The following JRK variants were observed in gnomAD, a reference collection of about 807,000 sequenced individuals.
The protein encoded by JRK is Jrk helix-turn-helix protein.
For missense variants in JRK, 720 were observed against 509.2 expected (o/e 1.41, Z -3.98); for synonymous variants, 303 against 218.1 (o/e 1.39, Z -3.43).
chr8:142,643,743 C>G, the JRK span, among the ~76,000 whole-genome samples: 2 of 152,180 alleles, frequency 1.3e-5, no homozygotes, highest in African/African-American at 4.8e-5. Flanking sequence ...GGAAAGCACA[C>G]CATTCCAGTC....
Position 142,669,197 on chromosome 8 carries a change from T to TGC in JRK, c.-463+734_-463+735insGC, listed in dbSNP as rs1554636837. On this transcript the variant is annotated intron_variant, in intron 1 of 1. Coordinates refer to ENST00000612905, the MANE Select transcript of JRK (RefSeq NM_003724.4). The stretch of plus-strand genomic sequence containing the variant: ...GTGTGTGTGTGTGTGTGTGTGTGTG[T>TGC]GTGCGTGTGTGTGTTGGGGGGTATG... Among the ~76,000 whole-genome samples the TGC allele has an allele frequency of 1.0e-3, 57 of 56,830 alleles. 1 individual carries two copies. The highest frequency in any genetic ancestry group is 3.9e-3 in the African/African-American group (40 of 10,254). The allele number at this position is 56,830 out of a possible 152,430, so 37.3% of individuals were successfully genotyped here. A position where few individuals can be genotyped will look rare whatever the true frequency, so the allele number is the denominator to read the frequency against.
At chr8:142,654,591 C>T (rs938502057), downstream of JRK, among the ~76,000 whole-genome samples, 1 of 151,938 alleles carries the variant, frequency 6.6e-6, no homozygotes, top group Non-Finnish European at 1.5e-5. Flanking sequence ...AGACTCCCAC[C>T]AGCCCTCCTC....
At chr8:142,647,048 T>A in the JRK span, among the ~76,000 whole-genome samples, 1 of 152,092 alleles carries the variant, frequency 6.6e-6, no homozygotes, top group Non-Finnish European at 1.5e-5. Flanking sequence ...AGCCTGGTGG[T>A]GCTAAGGGGA....
the JRK span, among the ~76,000 whole-genome samples, chr8:142,646,054 A>G: frequency 6.6e-6 from 1 of 152,186 alleles, no homozygotes; most frequent in Non-Finnish European, 1.5e-5. Flanking sequence ...AAATACCCAA[A>G]TAATGAAATA....
the JRK span, among the ~76,000 whole-genome samples, chr8:142,644,081 T>C: frequency 6.6e-6 from 1 of 152,170 alleles, no homozygotes; most frequent in Non-Finnish European, 1.5e-5. Context: ...CTGCTTGATA[T>C]TCCTGAACAT....
At chr8:142,657,289 G>A (rs587593721), downstream of JRK, among the ~76,000 whole-genome samples, 1 of 152,320 alleles carries the variant, frequency 6.6e-6, no homozygotes, top group South Asian at 2.1e-4. Flanking sequence ...AGGGACAGGA[G>A]CAGAAGTGGT....
At chr8:142,652,650 A>G (rs1345891548), downstream of JRK, among the ~76,000 whole-genome samples, 1 of 152,168 alleles carries the variant, frequency 6.6e-6, no homozygotes, top group Non-Finnish European at 1.5e-5. Flanking sequence ...TCTGAATTTT[A>G]GGGGAGGCTG....
chr8:142,650,754 G>A, the JRK span, among the ~76,000 whole-genome samples: 35 of 152,248 alleles, frequency 2.3e-4, no homozygotes, highest in Middle Eastern at 3.4e-3. Context: ...TATCAGGAGC[G>A]TGAAAATGGA....
rs73379623 is a variant in JRK at position 142,664,980 on chromosome 8, T to C, written c.1079A>G (p.Asn360Ser). 2,734 of 736,468 alleles carry C rather than the reference T, an allele frequency of 3.7e-3. 51 individuals are homozygous for C. The African/African-American group carries it at 0.042, about 11-fold the overall frequency. 45.6% of individuals were successfully genotyped at this position (736,468 alleles called of 1,614,324 possible). ...ACAGGCCACGCTGAATATGGCATCG[T>C]TCATGTTGTAGCGGGCGTGGGGGCC... ...LQGPHARYNM[N>S]DAIFSVACAW... Residue 360 changes from asparagine to serine, a missense_variant, in exon 2 of 2, where the codon AAC becomes AGC. By Grantham distance (46) the Asn-to-Ser change is conservative. Transcript: ENST00000612905.
chr8:142,662,039 C>A lies in JRK; in HGVS notation c.*2313G>T, dbSNP rs1050417486. The A allele has an allele frequency of 2.5e-5, 25 of 985,466 alleles. No homozygotes were observed. In the African/African-American group the frequency reaches 4.0e-4, roughly 16 times the overall value. 61.0% of individuals were successfully genotyped at this position (985,466 alleles called of 1,614,324 possible). A position where few individuals can be genotyped will look rare whatever the true frequency, so the allele number is the denominator to read the frequency against. Reference sequence around the variant, plus strand: ...GCTGCAGGAGGAGCAGGGCCCGAGTCCCCTGGGTGGCACAAGGGATTCCAG... The same window carrying A: ...GCTGCAGGAGGAGCAGGGCCCGAGTACCCTGGGTGGCACAAGGGATTCCAG... On this transcript the variant is annotated 3_prime_UTR_variant, in exon 2 of 2. Coordinates refer to ENST00000612905, the MANE Select transcript of JRK (RefSeq NM_003724.4).
the JRK span, among the ~76,000 whole-genome samples, chr8:142,651,052 G>A: frequency 1.3e-5 from 2 of 151,810 alleles, no homozygotes; most frequent in Non-Finnish European, 2.9e-5. Context: ...GGTCCCCCGT[G>A]CAGCAGAGGG....
At chr8:142,653,618 C>T (rs1311320415), downstream of JRK, among the ~76,000 whole-genome samples, 1 of 152,114 alleles carries the variant, frequency 6.6e-6, no homozygotes, top group Non-Finnish European at 1.5e-5. Flanking sequence ...CTCAAGCATT[C>T]CTCCTGCCTC....
At position 142,665,504 on chromosome 8, in the gene JRK, G is replaced by A. The variant is rs782747845; in HGVS notation, c.555C>T (p.Asn185=). Residue 185 remains asparagine, a synonymous_variant, in exon 2 of 2, where the codon AAC becomes AAT. Transcript: ENST00000612905. ...GCCAGAAAAGGCCGGTCTCATCAGCGTTGTAAACCTGCTCGGCGGACAGCC... is the reference window on the plus strand; with the variant it reads ...GCCAGAAAAGGCCGGTCTCATCAGCATTGTAAACCTGCTCGGCGGACAGCC... The part of the protein sequence containing the change: ...EHGLSAEQVY[N]ADETGLFWRC... 2.2e-5 allele frequency: 16 copies of A among 718,148 alleles called. No homozygotes were observed. Among genetic ancestry groups the A allele is most frequent in the African/African-American group, 5.2e-5 (3 of 57,292 alleles). The allele number at this position is 718,148 out of a possible 1,614,324, so 44.5% of individuals were successfully genotyped here. A position where few individuals can be genotyped will look rare whatever the true frequency, so the allele number is the denominator to read the frequency against.
rs1278839654 is a variant in JRK at position 142,661,330 on chromosome 8, A to G, written c.*3022T>C. 7.1e-6 allele frequency: 7 copies of G among 985,470 alleles called. No homozygotes were observed. The highest frequency in any genetic ancestry group is 8.4e-6 in the Non-Finnish European group (7 of 829,952). 61.0% of individuals were successfully genotyped at this position (985,470 alleles called of 1,614,324 possible). On this transcript the variant is annotated 3_prime_UTR_variant, in exon 2 of 2. Transcript: ENST00000612905. ...CCCCTGAATTCACCATGCCACCCTG[A>G]AAGTATGGCCTCTCCTGGGCATCCC...
chr8:142,664,397 T>C lies in JRK; in HGVS notation c.1662A>G (p.Thr554=). 1 of 1,595,982 alleles carries C rather than the reference T, an allele frequency of 6.3e-7. No homozygotes were observed. The highest frequency in any genetic ancestry group is 8.6e-7 in the Non-Finnish European group (1 of 1,168,348). ...ATGAGCAGGGCAAGGGAGACTGAGCTGTGGCCCCACAGCCACCAGGGCCCT... is the reference window on the plus strand; with the variant it reads ...ATGAGCAGGGCAAGGGAGACTGAGCCGTGGCCCCACAGCCACCAGGGCCCT... ...LQEGPGGCGA[T]AQSPLPCSST... Residue 554 remains threonine (T), a synonymous_variant, in exon 2 of 2, where the codon ACA becomes ACG. Transcript: ENST00000612905.
chr8:142,669,609 AGGAAG>A (rs1305636911), intron 1 of JRK, among the ~76,000 whole-genome samples: 3 of 152,116 alleles, frequency 2.0e-5, no homozygotes, highest in Middle Eastern at 3.2e-3. Flanking sequence ...GTGGAAGCGC[AGGAAG>A]GGTCCGGGCT....
the JRK span, among the ~76,000 whole-genome samples, chr8:142,646,200 A>G: frequency 6.6e-6 from 1 of 152,224 alleles, no homozygotes; most frequent in Non-Finnish European, 1.5e-5. Context: ...CAGAACTGCC[A>G]CTGCAAAATT....
In JRK at chr8:142,661,884, A is replaced by C; in HGVS notation, c.*2468T>G. 1.0e-6 allele frequency: 1 copy of C among 985,572 alleles called. No homozygotes were observed. Among genetic ancestry groups the C allele is most frequent in the African/African-American group, 1.7e-5 (1 of 57,364 alleles). 61.1% of individuals were successfully genotyped at this position (985,572 alleles called of 1,614,324 possible). A position where few individuals can be genotyped will look rare whatever the true frequency, so the allele number is the denominator to read the frequency against. ...GTGCTCGGAGGACACGGCAGTCTCC[A>C]TAAAGCGTTCTGGGGGACAGGACCG... On this transcript the variant is annotated 3_prime_UTR_variant, in exon 2 of 2. Transcript: ENST00000612905.
chr8:142,661,560 C>A lies in JRK; in HGVS notation c.*2792G>T. On this transcript the variant is annotated 3_prime_UTR_variant, in exon 2 of 2. Coordinates refer to ENST00000612905, the MANE Select transcript of JRK (RefSeq NM_003724.4). ...CCCACGAGCCACTGGAAAACTGAGG[C>A]TGCAACTTGCAGGGGCACTGTGAGA... 1.0e-6 allele frequency: 1 copy of A among 985,548 alleles called. No homozygotes were observed. Among genetic ancestry groups the A allele is most frequent in the South Asian group, 4.7e-5 (1 of 21,296 alleles). 61.1% of individuals were successfully genotyped at this position (985,548 alleles called of 1,614,324 possible).
Sources: allele counts gnomAD v4.1 joint callset (sites outside exome capture counted in the v4.1 genomes callset), GRCh38; gene constraint gnomAD v4.1.1; transcripts MANE v1.5; gene names NCBI Gene and HGNC (gene_info 2026-07-23, HGNC 2026-07-21).